AGAP1: variants seen among roughly 807,000 people sequenced by gnomAD.
AGAP1 encodes ArfGAP with GTPase domain, ankyrin repeat and PH domain 1.
Under a neutral mutation model 105.3 loss-of-function variants are expected in AGAP1, and 29 were observed. That is an observed-to-expected ratio of 0.28 (90% confidence interval 0.21 to 0.38). The LOEUF is 0.38. Ranked by LOEUF, AGAP1 falls within the 10% of genes least tolerant of loss-of-function variation. The pLI is 1.00. For synonymous variants in AGAP1, 509 were observed against 485.9 expected, an observed-to-expected ratio of 1.05 and a Z score of -0.63; for missense variants, 998 against 1,165.1, an observed-to-expected ratio of 0.86 and a Z score of 2.09.
chr2:235,521,978 A>G (rs1003729534), intron 1 of AGAP1, among the ~76,000 whole-genome samples: 1 of 152,150 alleles, frequency 6.6e-6, no homozygotes, highest in African/African-American at 2.4e-5. Flanking sequence ...CTCTTTCCCA[A>G]CAGGGTGCTG....
rs958287080 is a variant in AGAP1 at position 235,527,478 on chromosome 2, C to A, written c.163+32629C>A. 3.9e-5 allele frequency among the ~76,000 whole-genome samples: 6 copies of A among 152,262 alleles called. No individual in the cohort carries two copies. The South Asian group carries it at 1.0e-3, about 26-fold the overall frequency. ...CTCGACCTCCTAGGTTCAGGTGATCCCCCCACCATAGCCTCCTGAATAGCT... is the reference window on the plus strand; with the variant it reads ...CTCGACCTCCTAGGTTCAGGTGATCACCCCACCATAGCCTCCTGAATAGCT... On this transcript the variant is annotated intron_variant, in intron 1 of 17. Coordinates refer to ENST00000304032, the MANE Select transcript of AGAP1 (RefSeq NM_001037131.3).
intron 6 of AGAP1, chr2:235,773,753 G>T: frequency 2.7e-6 from 1 of 366,940 alleles, no homozygotes; most frequent in Non-Finnish European, 5.4e-6. Flanking sequence ...AGTTTCCTGA[G>T]ATGGGGGCTG....
chr2:235,746,438 T>C (rs1473761011), intron 5 of AGAP1, among the ~76,000 whole-genome samples: 1 of 124,696 alleles, frequency 8.0e-6, no homozygotes, highest in Admixed American at 9.2e-5. Flanking sequence ...CTCTCACTCC[T>C]GAAACCTTCA....
At chr2:236,093,722 C>G (rs2059121930) in intron 16 of AGAP1, among the ~76,000 whole-genome samples, 1 of 151,992 alleles carries the variant, frequency 6.6e-6, no homozygotes, top group Admixed American at 6.5e-5. Flanking sequence ...GGCTGCCTGC[C>G]AGTCATAATC....
chr2:235,740,820 C>G lies in AGAP1; in HGVS notation c.311-143C>G. 1 of 856,408 alleles carries G rather than the reference C, an allele frequency of 1.2e-6. No homozygotes were observed. Among genetic ancestry groups the G allele is most frequent in the Non-Finnish European group, 1.8e-6 (1 of 559,170 alleles). The allele number at this position is 856,408 out of a possible 1,614,324, so 53.1% of individuals were successfully genotyped here. On this transcript the variant is annotated intron_variant, in intron 3 of 17. Coordinates refer to ENST00000304032, the MANE Select transcript of AGAP1 (RefSeq NM_001037131.3). This position sits in a 1 kb window ranked among gnomAD's most constrained non-coding sequence, Gnocchi z 5.7. Reference sequence around the variant, plus strand: ...TGAGTTCGGCTCTGTTAAAATTCAGCATTTGCTGGCAACATCCTAAATACT... The same window carrying G: ...TGAGTTCGGCTCTGTTAAAATTCAGGATTTGCTGGCAACATCCTAAATACT...
At chr2:236,011,232 C>T (rs1233715283) in intron 13 of AGAP1, among the ~76,000 whole-genome samples, 1 of 152,196 alleles carries the variant, frequency 6.6e-6, no homozygotes, top group Non-Finnish European at 1.5e-5. Context: ...GGGGACAGTG[C>T]TGTCCTCCCA....
In AGAP1 at chr2:235,566,748, T is replaced by C. The variant is rs1944358693; in HGVS notation, c.163+71899T>C. ...GGGGTTAACATGAGTGGACCCTAGA[T>C]TTCCCTGCCTGAAGGGGGCCCCGTG... On this transcript the variant is annotated intron_variant, in intron 1 of 17. Transcript: ENST00000304032. The surrounding 1 kb of genome is among the most constrained non-coding windows in gnomAD (Gnocchi z 5.2). The C allele has an allele frequency of 2.4e-6, 1 of 420,406 alleles. No homozygotes were observed. Among genetic ancestry groups the C allele is most frequent in the Admixed American group, 6.4e-5 (1 of 15,602 alleles). 26.0% of individuals were successfully genotyped at this position (420,406 alleles called of 1,614,324 possible).
At chr2:235,536,457 T>G (rs866637706) in intron 1 of AGAP1, among the ~76,000 whole-genome samples, 45 of 39,260 alleles carry the variant, frequency 1.1e-3, no homozygotes, top group East Asian at 5.4e-3. Context: ...TGGGGTTTGT[T>G]TGTGGCATCC....
At chr2:235,878,070 G>C (rs943211415) in intron 9 of AGAP1, among the ~76,000 whole-genome samples, 2 of 152,210 alleles carry the variant, frequency 1.3e-5, no homozygotes, top group African/African-American at 4.8e-5. Flanking sequence ...AAACCCGAGA[G>C]TGTGGCCTCT....
rs907484632 is a variant in AGAP1 at position 236,061,323 on chromosome 2, G to A, written c.2114+12042G>A. ...TCGAAAAGTTAAACCTAGAGTTACC[G>A]TATGACCCAGCCATTCCTCCCCCAG... On this transcript the variant is annotated intron_variant, in intron 16 of 17. Coordinates refer to ENST00000304032, the MANE Select transcript of AGAP1 (RefSeq NM_001037131.3). This position sits in a 1 kb window ranked among gnomAD's most constrained non-coding sequence, Gnocchi z 4.1. Among the ~76,000 whole-genome samples the A allele has an allele frequency of 7.9e-5, 12 of 152,124 alleles. No homozygotes were observed. Among genetic ancestry groups the A allele is most frequent in the East Asian group, 3.9e-4 (2 of 5,186 alleles).
chr2:235,824,831 A>G lies in AGAP1; in HGVS notation c.1050+17500A>G, dbSNP rs1482502221. On this transcript the variant is annotated intron_variant, in intron 9 of 17. Transcript: ENST00000304032. The surrounding 1 kb of genome is among the most constrained non-coding windows in gnomAD (Gnocchi z 5.2). Reference sequence around the variant, plus strand: ...GCATATTGTTGTTTTATGTATACCCATCAAGGTAACCGGTGCATTCACGGG... The same window carrying G: ...GCATATTGTTGTTTTATGTATACCCGTCAAGGTAACCGGTGCATTCACGGG... Among the ~76,000 whole-genome samples, 5 of 152,208 alleles carry G rather than the reference A, an allele frequency of 3.3e-5. No homozygotes were observed. In the East Asian group the frequency reaches 7.7e-4, roughly 23 times the overall value.
rs535000598 is a variant in AGAP1, at chr2:236,127,304, C to T, written c.*3182C>T. ...CAGCACCCCAGTCCTGGTCCCTGGT[C>T]CCTCTCTCTGTTTCATCCCAGGAAA... is the stretch of plus-strand genomic sequence containing the variant. On this transcript the variant is annotated 3_prime_UTR_variant, in exon 18 of 18. Transcript: ENST00000304032. This position sits in a 1 kb window ranked among gnomAD's most constrained non-coding sequence, Gnocchi z 6.6. 2 of 152,286 alleles carry T rather than the reference C, an allele frequency of 1.3e-5. No homozygotes were observed. Among genetic ancestry groups the T allele is most frequent in the African/African-American group, 4.8e-5 (2 of 41,552 alleles). The allele number at this position is 152,286 out of a possible 1,614,324, so 9.4% of individuals were successfully genotyped here.
intron 6 of AGAP1, among the ~76,000 whole-genome samples, chr2:235,770,975 T>G (rs1955397892): frequency 6.6e-6 from 1 of 152,172 alleles, no homozygotes; most frequent in Admixed American, 6.5e-5. Context: ...ATTGCATGTA[T>G]CCTTATAATA....
chr2:235,645,490 A>G (rs919410954), intron 1 of AGAP1, among the ~76,000 whole-genome samples: 4 of 152,102 alleles, frequency 2.6e-5, no homozygotes, highest in African/African-American at 4.8e-5. Flanking sequence ...GCCCTTTCAC[A>G]TTAGGTTGGA....
At chr2:235,695,269 C>T (rs1486354730) in intron 1 of AGAP1, among the ~76,000 whole-genome samples, 1 of 152,194 alleles carries the variant, frequency 6.6e-6, no homozygotes, top group Non-Finnish European at 1.5e-5. Flanking sequence ...TAGAAAGGAA[C>T]TACTTCTTTC....
chr2:235,661,390 C>T (rs188152537), intron 1 of AGAP1, among the ~76,000 whole-genome samples: 32 of 152,032 alleles, frequency 2.1e-4, no homozygotes, highest in Non-Finnish European at 4.1e-4. Context: ...CAACTCTGAG[C>T]GGGAGAGTTG....
At position 235,965,135 on chromosome 2, in the gene AGAP1, C is replaced by T. The variant is rs1487337997; in HGVS notation, c.1484-3327C>T. On this transcript the variant is annotated intron_variant, in intron 12 of 17. Coordinates refer to ENST00000304032, the MANE Select transcript of AGAP1 (RefSeq NM_001037131.3). This position sits in a 1 kb window ranked among gnomAD's most constrained non-coding sequence, Gnocchi z 5.8. Reference sequence around the variant, plus strand: ...GAAAGCAAGTGTTGGGCAGAAGTGGCAGGGAAGTGGCAGTTTCAAGGGTGA... The same window carrying T: ...GAAAGCAAGTGTTGGGCAGAAGTGGTAGGGAAGTGGCAGTTTCAAGGGTGA... Among the ~76,000 whole-genome samples, 1 of 152,170 alleles carries T rather than the reference C, an allele frequency of 6.6e-6. No homozygotes were observed. Among genetic ancestry groups the T allele is most frequent in the East Asian group, 1.9e-4 (1 of 5,194 alleles).
chr2:235,671,014 G>T, intron 1 of AGAP1: 3 of 1,321,500 alleles, frequency 2.3e-6, no homozygotes, highest in Non-Finnish European at 2.9e-6. Context: ...CGGCCGAAGC[G>T]CACTCGTCCA....
intron 1 of AGAP1, among the ~76,000 whole-genome samples, chr2:235,693,029 C>G (rs967932313): frequency 6.6e-6 from 1 of 152,088 alleles, no homozygotes; most frequent in Non-Finnish European, 1.5e-5. Context: ...GTGTCAGATT[C>G]CACTTGCTGG....
Sources: gnomAD v4.1 joint callset for allele counts (sites outside exome capture counted in the v4.1 genomes callset) on GRCh38, gnomAD v4.1.1 for gene constraint, Gnocchi (gnomAD v3.1) non-coding constraint, MANE v1.5 for transcripts, NCBI Gene and HGNC (gene_info 2026-07-23, HGNC 2026-07-21) for gene names.